Variants in SYNE2 observed in about 807,000 individuals in gnomAD.
SYNE2 encodes the protein nesprin-2.
SYNE2 carries 431 observed loss-of-function variants against 856.3 expected under a neutral mutation model. That is an observed-to-expected ratio of 0.50 (90% CI 0.47 to 0.55). The LOEUF (loss-of-function observed/expected upper bound fraction) is 0.55. SYNE2 is among the 20% of genes least tolerant of loss of function. The probability of loss-of-function intolerance (pLI) is 0.00; values close to 1 mark genes in which losing one functional copy is unlikely to be tolerated. For synonymous variants in SYNE2, 2,923 were observed against 2,872.3 expected (o/e 1.02, Z -0.56); for missense variants, 8,129 against 8,023.2 (o/e 1.01, Z -0.50).
intron 1 of SYNE2, among the ~76,000 whole-genome samples, chr14:63,778,680 A>T (rs532167535): frequency 6.6e-6 from 1 of 151,878 alleles, no homozygotes; most frequent in Admixed American, 6.6e-5. Flanking sequence ...ATGCCAAGCT[A>T]ATTTTTGTCA....
intron 101 of SYNE2, 96 bp from the exon 102 acceptor site, chr14:64,209,332 C>T (rs2098628053): frequency 6.3e-7 from 1 of 1,593,138 alleles, no homozygotes; most frequent in Non-Finnish European, 8.6e-7. Context: ...AACAGGGTCT[C>T]CCCCACTAAA....
At chr14:64,003,650 TCTC>T (rs2096772411) in intron 30 of SYNE2, among the ~76,000 whole-genome samples, 1 of 152,276 alleles carries the variant, frequency 6.6e-6, no homozygotes, top group East Asian at 1.9e-4. Flanking sequence ...ACTGTGGAGT[TCTC>T]CTCAGGACAG....
rs1429936280 is a variant in SYNE2 at position 64,214,390 on chromosome 14, A to T, written c.19253A>T (p.Glu6418Val). 1.2e-6 allele frequency: 2 copies of T among 1,613,986 alleles called. No individual in the cohort carries two copies. The highest frequency in any genetic ancestry group is 3.3e-5 in the Admixed American group (2 of 59,994). Residue 6418 changes from glutamate to valine, a missense_variant, in exon 106 of 116, where the codon GAG (glutamate) becomes GTG (valine). Transcript: ENST00000555002. ...TPVSVDSIPL[E>V]WDHTGDVGGS... ...GTCAGCGTGGACTCCATCCCCCTGGAGTGGGACCACACAGGCGACGTGGGG... is the reference window on the plus strand; with the variant it reads ...GTCAGCGTGGACTCCATCCCCCTGGTGTGGGACCACACAGGCGACGTGGGG...
intron 1 of SYNE2, among the ~76,000 whole-genome samples, chr14:63,774,750 A>C (rs1887048801): frequency 6.6e-6 from 1 of 151,906 alleles, no homozygotes; most frequent in Admixed American, 6.6e-5. Context: ...GGTAGAATTT[A>C]AATTATTGTA....
rs765014161 is a variant in SYNE2 at position 64,053,243 on chromosome 14, C to A, written c.9330C>A (p.Thr3110=). Reference sequence around the variant, plus strand: ...TAAAGAAATTAAATGAAAATAAGACCTTTGATGACTCATTCAAGGAGAAAG... The same window carrying A: ...TAAAGAAATTAAATGAAAATAAGACATTTGATGACTCATTCAAGGAGAAAG... ...EIIKKLNENK[T]FDDSFKEKEI... Residue 3110 remains threonine, a synonymous_variant, in exon 48 of 116, where the codon ACC becomes ACA. Transcript: ENST00000555002. 3 of 1,611,264 alleles carry A rather than the reference C, an allele frequency of 1.9e-6. No homozygotes were observed. Among genetic ancestry groups the A allele is most frequent in the Admixed American group, 3.4e-5 (2 of 59,600 alleles).
At chr14:63,934,614 C>T (rs749214478) in intron 2 of SYNE2, among the ~76,000 whole-genome samples, 2 of 151,838 alleles carry the variant, frequency 1.3e-5, no homozygotes, top group Non-Finnish European at 2.9e-5. Flanking sequence ...GGGAAGACTC[C>T]GTGGGCACAC....
rs185736362 is a variant in SYNE2, at chr14:64,012,314, C to T, written c.4728+2198C>T. Among the ~76,000 whole-genome samples, 8 of 152,270 alleles carry T rather than the reference C, an allele frequency of 5.3e-5. No individual in the cohort carries two copies. In the East Asian group the frequency reaches 1.5e-3, roughly 29 times the overall value. ...CAGCTTCCCAACTTCTCACCTTCTA[C>T]CTGAGAGTATTCTTATCCTCTATTC... On this transcript the variant is annotated intron_variant, in intron 32 of 115. Coordinates refer to ENST00000555002, the MANE Select transcript of SYNE2 (RefSeq NM_182914.3).
chr14:63,974,473 C>A (rs984782231), intron 11 of SYNE2, among the ~76,000 whole-genome samples: 2 of 152,048 alleles, frequency 1.3e-5, no homozygotes, highest in Non-Finnish European at 2.9e-5. Flanking sequence ...CCTGTTAGGC[C>A]CAGCCCCGAT....
In SYNE2 at chr14:63,996,927, T is replaced by C. The variant is rs1270226116; in HGVS notation, c.2941-20T>C. The C allele has an allele frequency of 1.9e-6, 3 of 1,611,672 alleles. No individual in the cohort carries two copies. The highest frequency in any genetic ancestry group is 2.7e-5 in the African/African-American group (2 of 74,876). On this transcript the variant is annotated intron_variant, in intron 23 of 115. Transcript: ENST00000555002. ...GTAAACTCACCAGAAGCACATTTCC[T>C]GCTTTATTTCTTCAATTAGGCCTGC...
rs139959852 is a variant in SYNE2, at chr14:64,113,426, C to T, written c.12695C>T (p.Pro4232Leu). The T allele has an allele frequency of 3.7e-5, 59 of 1,614,060 alleles. No individual in the cohort carries two copies. Among genetic ancestry groups the T allele is most frequent in the East Asian group, 1.6e-4 (7 of 44,898 alleles). Residue 4232 changes from proline to leucine, a missense_variant, in exon 66 of 116, where the codon CCG becomes CTG. By Grantham distance (98) the Pro-to-Leu change is moderately conservative. Around this residue, in one of 3 missense-constraint regions of SYNE2, gnomAD observed 5,410 missense variants for 5,284.8 expected, o/e 1.02. Transcript: ENST00000555002. The part of the protein sequence containing the change: ...GLEPRVEKTR[P>L]EPTEVLHACK... The stretch of plus-strand genomic sequence containing the variant: ...GAGCCCAGGGTGGAGAAAACTAGGC[C>T]GGAGCCCACAGAAGTCCTGCATGCC...
intron 99 of SYNE2, among the ~76,000 whole-genome samples, chr14:64,201,459 G>A (rs1310867414): frequency 1.3e-5 from 2 of 152,206 alleles, no homozygotes; most frequent in African/African-American, 4.8e-5. Flanking sequence ...CCTGGCCATG[G>A]CACTCCCTGT....
intron 1 of SYNE2, among the ~76,000 whole-genome samples, chr14:63,899,400 C>A (rs907703141): frequency 6.6e-6 from 1 of 152,086 alleles, no homozygotes; most frequent in Non-Finnish European, 1.5e-5. Flanking sequence ...CAGGGTTTCA[C>A]CTTGTTGGCC....
At chr14:64,125,335 T>C in intron 71 of SYNE2, 125 bp downstream of exon 71, 1 of 1,370,790 alleles carries the variant, frequency 7.3e-7, no homozygotes, top group Non-Finnish European at 1.0e-6. Context: ...GAATGGGTCC[T>C]AGGATTGCAA....
intron 1 of SYNE2, among the ~76,000 whole-genome samples, chr14:63,809,628 T>G (rs544501534): frequency 2.0e-5 from 3 of 152,124 alleles, no homozygotes; most frequent in Non-Finnish European, 4.4e-5. Context: ...TCCTCCCAAG[T>G]AGCTGGGACT....
chr14:63,815,161 T>C (rs190390447), intron 1 of SYNE2, among the ~76,000 whole-genome samples: 1 of 99,338 alleles, frequency 1.0e-5, no homozygotes, highest in African/African-American at 4.5e-5. Context: ...TATATATCCA[T>C]ATATATCCAC....
chr14:64,039,939 T>A (rs2097134638), intron 45 of SYNE2, among the ~76,000 whole-genome samples: 1 of 152,214 alleles, frequency 6.6e-6, no homozygotes. Context: ...AGAGAAGGAC[T>A]ATGAAGCTTC....
chr14:64,093,901 C>A (rs1480188079), intron 61 of SYNE2, among the ~76,000 whole-genome samples: 2 of 152,148 alleles, frequency 1.3e-5, no homozygotes, highest in Non-Finnish European at 2.9e-5. Context: ...ATTTGGACAA[C>A]CTGACTTTCT....
At chr14:64,128,109 C>T (rs1280453047) in intron 73 of SYNE2, among the ~76,000 whole-genome samples, 2 of 152,068 alleles carry the variant, frequency 1.3e-5, no homozygotes, top group Non-Finnish European at 2.9e-5. Context: ...TTATTGATGG[C>T]AGGGGAGGAG....
At chr14:64,076,296 G>T (rs535237376) in intron 54 of SYNE2, among the ~76,000 whole-genome samples, 196 bp downstream of exon 54, 1 of 152,248 alleles carries the variant, frequency 6.6e-6, no homozygotes, top group African/African-American at 2.4e-5. Flanking sequence ...AGAATTAGAT[G>T]ATTTATATGT....
Sources: allele counts gnomAD v4.1 joint callset (sites outside exome capture counted in the v4.1 genomes callset), GRCh38; gene constraint gnomAD v4.1.1; regional missense constraint gnomAD v4.1.1; transcripts MANE v1.5; gene names NCBI Gene and HGNC (gene_info 2026-07-23, HGNC 2026-07-21).